CD34: variants seen among roughly 807,000 people sequenced by gnomAD.
The protein encoded by CD34 is hematopoietic progenitor cell antigen CD34.
Under a neutral mutation model 40.1 loss-of-function variants are expected in CD34, and 34 were observed. The observed-to-expected ratio is 0.85, with a 90% CI of 0.65 to 1.13. The LOEUF is 1.13. CD34 is among the 50% of genes most tolerant of loss of function. The probability of loss-of-function intolerance (pLI) is 0.00; values close to 1 mark genes in which losing one functional copy is unlikely to be tolerated. For synonymous variants in CD34, 209 were observed against 190.0 expected (o/e 1.10, Z -0.82); for missense variants, 426 against 466.9 (o/e 0.91, Z 0.81).
At chr1:207,903,089 G>A (rs1216278348) in intron 1 of CD34, among the ~76,000 whole-genome samples, 1 of 152,212 alleles carries the variant, frequency 6.6e-6, no homozygotes, top group East Asian at 1.9e-4. Flanking sequence ...TGCAGAGCAA[G>A]GGGACACCTT....
chr1:207,909,495 G>C lies in CD34; in HGVS notation c.79+1507C>G, dbSNP rs1370002141. Among the ~76,000 whole-genome samples, 4 of 152,062 alleles carry C rather than the reference G, an allele frequency of 2.6e-5. No homozygotes were observed. In the South Asian group the frequency reaches 8.3e-4, roughly 32 times the overall value. ...AGGATCTTGGCTCGCTGCAACCTCC[G>C]CCTCCTGGGTTCAAGGGATTCTCCT... On this transcript the variant is annotated intron_variant, in intron 1 of 7. Transcript: ENST00000310833.
rs1021443945 is a variant in CD34 at position 207,881,149 on chromosome 1, A to C, written c.*6589T>G. ...GTACTTAGATGCTACTGAAATAGTA[A>C]CATATCTAGAGCCGCGGTTCTCAAA... On this transcript the variant is annotated 3_prime_UTR_variant, in exon 8 of 8. Coordinates refer to ENST00000310833, the MANE Select transcript of CD34 (RefSeq NM_001025109.2). 2 of 152,244 alleles carry C rather than the reference A, an allele frequency of 1.3e-5. No individual in the cohort carries two copies. Among genetic ancestry groups the C allele is most frequent in the African/African-American group, 4.8e-5 (2 of 41,458 alleles). 9.4% of individuals were successfully genotyped at this position (152,244 alleles called of 1,614,324 possible).
chr1:207,883,885 CCTT>C lies in CD34; in HGVS notation c.*3850_*3852del, dbSNP rs1661850544. 1 of 152,156 alleles carries C rather than the reference CCTT, an allele frequency of 6.6e-6. No homozygotes were observed. Among genetic ancestry groups the C allele is most frequent in the Non-Finnish European group, 1.5e-5 (1 of 68,040 alleles). 9.4% of individuals were successfully genotyped at this position (152,156 alleles called of 1,614,324 possible). On this transcript the variant is annotated 3_prime_UTR_variant, in exon 8 of 8. Coordinates refer to ENST00000310833, the MANE Select transcript of CD34 (RefSeq NM_001025109.2). Reference sequence around the variant, plus strand: ...ATGATCGTTCTTCTTGCTACGGTCTCCTTCTACTTTCTTATCCCTCAACCTCTA... The same window carrying C: ...ATGATCGTTCTTCTTGCTACGGTCTCCTACTTTCTTATCCCTCAACCTCTA...
intron 1 of CD34, among the ~76,000 whole-genome samples, chr1:207,908,251 G>A (rs1237967159): frequency 6.6e-6 from 1 of 152,172 alleles, no homozygotes; most frequent in African/African-American, 2.4e-5. Flanking sequence ...GGAGCCAAAG[G>A]GATAAGAAAA....
At chr1:207,896,612 C>A (rs1348207722) in intron 4 of CD34, among the ~76,000 whole-genome samples, 1 of 151,926 alleles carries the variant, frequency 6.6e-6, no homozygotes, top group Admixed American at 6.6e-5. Flanking sequence ...GACAAATAGG[C>A]CTATGACATC....
At chr1:207,901,220 C>A (rs1219592523) in intron 1 of CD34, among the ~76,000 whole-genome samples, 4 of 152,262 alleles carry the variant, frequency 2.6e-5, no homozygotes, top group South Asian at 4.1e-4. Flanking sequence ...GAACCCTATG[C>A]CTCAAAGAGC....
In CD34 at chr1:207,881,659, C is replaced by CAAAAAAAAAAAAAAAAAAA. The variant is rs58259152; in HGVS notation, c.*6060_*6078dup. 1.4e-5 allele frequency: 1 copy of CAAAAAAAAAAAAAAAAAAA among 69,034 alleles called. No individual in the cohort carries two copies. The highest frequency in any genetic ancestry group is 3.0e-5 in the Non-Finnish European group (1 of 33,770). 4.3% of individuals were successfully genotyped at this position (69,034 alleles called of 1,614,324 possible). On this transcript the variant is annotated 3_prime_UTR_variant, in exon 8 of 8. Transcript: ENST00000310833. The stretch of plus-strand genomic sequence containing the variant: ...TGGGTGACAGAGCGAGACTCCGTCT[C>CAAAAAAAAAAAAAAAAAAA]AAAAAAAAAAAAAAAAAAAAAGAAT...
chr1:207,898,648 A>G (rs993762258), intron 3 of CD34, among the ~76,000 whole-genome samples: 2 of 152,320 alleles, frequency 1.3e-5, no homozygotes, highest in East Asian at 3.9e-4. Context: ...AATATTCCCA[A>G]AGGGAAATGG....
chr1:207,908,048 T>C (rs1049191070), intron 1 of CD34, among the ~76,000 whole-genome samples: 1 of 152,162 alleles, frequency 6.6e-6, no homozygotes, highest in Non-Finnish European at 1.5e-5. Context: ...GCCCTCCAGC[T>C]CAGGGTCTAA....
chr1:207,900,094 G>C (rs746334930), intron 1 of CD34, 91 bp from the exon 2 acceptor site: 1 of 969,514 alleles, frequency 1.0e-6, no homozygotes, highest in Admixed American at 2.7e-5. Context: ...GGTAGAATTC[G>C]TCTAGAACAT....
In CD34 at chr1:207,910,855, G is replaced by GT. The variant is rs1662495887; in HGVS notation, c.79+146_79+147insA. 6 of 704,156 alleles carry GT rather than the reference G, an allele frequency of 8.5e-6. No individual in the cohort carries two copies. The East Asian group carries it at 1.5e-4, about 18-fold the overall frequency. 43.6% of individuals were successfully genotyped at this position (704,156 alleles called of 1,614,324 possible). Reference sequence around the variant, plus strand: ...AGCTCCCAGGTGAGGCGCTGGCCCCGGGGGGAAGCAGCTGTGGGCGGCAGT... The same window carrying GT: ...AGCTCCCAGGTGAGGCGCTGGCCCCGTGGGGGAAGCAGCTGTGGGCGGCAGT... On this transcript the variant is annotated intron_variant, in intron 1 of 7. Transcript: ENST00000310833.
chr1:207,889,763 A>AC lies in CD34; in HGVS notation c.598-143_598-142insG. On this transcript the variant is annotated intron_variant, in intron 4 of 7. Transcript: ENST00000310833. ...TTTCTAAAATTCCAACAGAAAAAAA[A>AC]AAAACTGCTAACTGTATATGTGCAA... 1.9e-6 allele frequency: 3 copies of AC among 1,586,816 alleles called. No homozygotes were observed. In the South Asian group the frequency reaches 3.5e-5, roughly 19 times the overall value.
At chr1:207,892,474 C>A (rs1571769958) in intron 4 of CD34, among the ~76,000 whole-genome samples, 1 of 151,872 alleles carries the variant, frequency 6.6e-6, no homozygotes, top group Non-Finnish European at 1.5e-5. Flanking sequence ...AGCTACTCGG[C>A]AGGCTGAGGC....
chr1:207,887,921 GC>G lies in CD34; in HGVS notation c.974del (p.Gly325AlafsTer31). On this transcript the variant is annotated frameshift_variant and splice_region_variant, in exon 8 of 8. Transcript: ENST00000310833. LOFTEE classifies it high-confidence loss of function. The part of the protein sequence containing the change: ...RSWSPTGERL[G>X]EDPYYTENGG... ...CGTTTTCCGTGTAATAAGGGTCTTC[GC>G]CCTAGACAGTGTATAAATAAAGTAG... is the stretch of plus-strand genomic sequence containing the variant. 6.2e-7 allele frequency: 1 copy of G among 1,611,224 alleles called. No homozygotes were observed.
Position 207,899,104 on chromosome 1 carries a change from T to C in CD34, c.385A>G (p.Thr129Ala). The C allele has an allele frequency of 6.2e-7, 1 of 1,614,132 alleles. No individual in the cohort carries two copies. Among genetic ancestry groups the C allele is most frequent in the Admixed American group, 1.7e-5 (1 of 60,022 alleles). The change falls in exon 3 of 8, where the codon ACT becomes GCT. Residue 129 changes from threonine (T) to alanine (A), a missense_variant. By Grantham distance (58) the Thr-to-Ala change is moderately conservative (BLOSUM62 0). Transcript: ENST00000310833. ...TVFTTPANVS[T>A]PETTLKPSLS... ...CTAGGCTTCAAGGTTGTCTCTGGAG[T>C]TGAAACGTTGGCTGGGGTGGTGAAC...
chr1:207,888,114 A>C, intron 7 of CD34, 191 bp from the exon 8 acceptor site: 1 of 1,613,964 alleles, frequency 6.2e-7, no homozygotes, highest in South Asian at 1.1e-5. Context: ...TCAGGGTTCC[A>C]GCTCCTAGAG....
chr1:207,899,823 G>T lies in CD34; in HGVS notation c.260C>A (p.Thr87Lys). ...QHGNEATTNI[T>K]ETTVKFTSTS... ...TCTGACACAAATGCTGTTTTTACCT[G>T]TGATGTTTGTTGTGGCCTCATTGCC... The change falls in exon 2 of 8, where the codon ACA (threonine) becomes AAA (lysine). Residue 87 changes from threonine to lysine, a missense_variant and splice_region_variant. Thr to Lys is a moderately conservative substitution (Grantham distance 78). Transcript: ENST00000310833. 1.2e-6 allele frequency: 2 copies of T among 1,608,492 alleles called. No homozygotes were observed. The highest frequency in any genetic ancestry group is 2.2e-5 in the South Asian group (2 of 89,844).
In CD34 at chr1:207,881,659, C is replaced by CAAAAAA. The variant is rs58259152; in HGVS notation, c.*6073_*6078dup. ...TGGGTGACAGAGCGAGACTCCGTCT[C>CAAAAAA]AAAAAAAAAAAAAAAAAAAAAGAAT... On this transcript the variant is annotated 3_prime_UTR_variant, in exon 8 of 8. Coordinates refer to ENST00000310833, the MANE Select transcript of CD34 (RefSeq NM_001025109.2). The CAAAAAA allele has an allele frequency of 1.3e-4, 9 of 68,964 alleles. No homozygotes were observed. The highest frequency in any genetic ancestry group is 5.1e-4 in the South Asian group (1 of 1,950). 4.3% of individuals were successfully genotyped at this position (68,964 alleles called of 1,614,324 possible).
intron 1 of CD34, 47 bp from the exon 2 acceptor site, chr1:207,900,050 T>A: frequency 7.1e-6 from 10 of 1,401,104 alleles, no homozygotes; most frequent in Non-Finnish European, 9.9e-6. Context: ...GATATCAGCC[T>A]GGTGATATCA....
Sources: allele counts gnomAD v4.1 joint callset (sites outside exome capture counted in the v4.1 genomes callset), GRCh38; gene constraint gnomAD v4.1.1; transcripts MANE v1.5; gene names NCBI Gene and HGNC (gene_info 2026-07-23, HGNC 2026-07-21).